NWD2: variants seen among roughly 807,000 people sequenced by gnomAD.
The protein encoded by NWD2 is NACHT and WD repeat domain containing 2.
Under a neutral mutation model 132.7 loss-of-function variants are expected in NWD2, and 37 were observed. That is an observed-to-expected ratio of 0.28 (90% CI 0.21 to 0.37). The LOEUF (loss-of-function observed/expected upper bound fraction) is 0.37. NWD2 is among the 10% of genes least tolerant of loss of function. The pLI is 1.00. For missense variants in NWD2, 1,592 were observed against 2,122.4 expected (o/e 0.75, Z 4.91); for synonymous variants, 705 against 803.0 (o/e 0.88, Z 2.06).
At chr4:37,279,156 C>G (rs569963451) in intron 1 of NWD2, among the ~76,000 whole-genome samples, 4 of 152,020 alleles carry the variant, frequency 2.6e-5, no homozygotes, top group Non-Finnish European at 4.4e-5. Context: ...TTTATTTATT[C>G]ACCTTGCTTT....
intron 4 of NWD2, among the ~76,000 whole-genome samples, chr4:37,431,024 G>C (rs985326246): frequency 6.6e-6 from 1 of 152,138 alleles, no homozygotes; most frequent in African/African-American, 2.4e-5. Flanking sequence ...ATAGGAGTTG[G>C]AGAGGATGCG....
intron 3 of NWD2, among the ~76,000 whole-genome samples, chr4:37,423,304 T>G (rs1577698654): frequency 6.6e-6 from 1 of 152,314 alleles, no homozygotes; most frequent in East Asian, 1.9e-4. Flanking sequence ...GTCATTATTA[T>G]TTTGCAATTT....
chr4:37,325,912 T>G, intron 1 of NWD2, 24 bp from the exon 2 acceptor site: 1 of 1,412,022 alleles, frequency 7.1e-7, no homozygotes, highest in African/African-American at 1.4e-5. Context: ...ACTCACTTCC[T>G]GTGTGTTTGT....
chr4:37,269,525 A>G (rs1441874622), intron 1 of NWD2, among the ~76,000 whole-genome samples: 2 of 151,870 alleles, frequency 1.3e-5, no homozygotes, highest in Admixed American at 1.3e-4. Flanking sequence ...TCTCCATCCT[A>G]TAAAAGCACC....
chr4:37,388,681 G>A (rs532947876), intron 3 of NWD2, among the ~76,000 whole-genome samples: 29 of 143,418 alleles, frequency 2.0e-4, no homozygotes, highest in South Asian at 1.1e-3. Context: ...AATATATATC[G>A]TATATATCAT....
intron 1 of NWD2, among the ~76,000 whole-genome samples, chr4:37,295,748 T>C (rs1304962495): frequency 6.6e-6 from 1 of 152,212 alleles, no homozygotes; most frequent in Non-Finnish European, 1.5e-5. Flanking sequence ...TCCCAACCTA[T>C]AATATCTTAA....
intron 3 of NWD2, among the ~76,000 whole-genome samples, chr4:37,377,133 C>G (rs1242883495): frequency 6.6e-6 from 1 of 152,104 alleles, no homozygotes; most frequent in Non-Finnish European, 1.5e-5. Flanking sequence ...AGGACAGACT[C>G]AATTATAGGC....
chr4:37,334,341 T>G lies in NWD2; in HGVS notation c.240+8317T>G, dbSNP rs542280873. On this transcript the variant is annotated intron_variant, in intron 2 of 6. Coordinates refer to ENST00000309447, the MANE Select transcript of NWD2 (RefSeq NM_001144990.2). ...CTCTTTAATGTAGTTCCAGCTTCGT[T>G]TTCAACTCTTCCCCACGTAAATAAT... Among the ~76,000 whole-genome samples the G allele has an allele frequency of 5.5e-4, 84 of 152,170 alleles. 1 individual carries two copies. The highest frequency in any genetic ancestry group is 1.0e-3 in the Admixed American group (16 of 15,298).
intron 1 of NWD2, among the ~76,000 whole-genome samples, chr4:37,315,980 A>T (rs74550917): frequency 6.6e-6 from 1 of 151,890 alleles, no homozygotes; most frequent in Non-Finnish European, 1.5e-5. Context: ...TTGTTTTATT[A>T]TTGTCATATA....
intron 3 of NWD2, among the ~76,000 whole-genome samples, chr4:37,389,010 A>G (rs1179314436): frequency 6.6e-6 from 1 of 152,050 alleles, no homozygotes; most frequent in Non-Finnish European, 1.5e-5. Flanking sequence ...TGCTAATACT[A>G]AAAGGTGGTG....
intron 3 of NWD2, among the ~76,000 whole-genome samples, chr4:37,416,875 C>T (rs891056600): frequency 6.6e-6 from 1 of 151,210 alleles, no homozygotes; most frequent in Non-Finnish European, 1.5e-5. Flanking sequence ...CATATGTTCT[C>T]ATAAGTGGGA....
intron 1 of NWD2, among the ~76,000 whole-genome samples, chr4:37,324,266 A>G (rs774636790): frequency 2.3e-4 from 35 of 152,166 alleles, no homozygotes; most frequent in Non-Finnish European, 2.8e-4. Context: ...AGAAACAATA[A>G]GTTTCTGTTT....
chr4:37,447,427 A>G lies in NWD2; in HGVS notation c.*210A>G. 3.5e-6 allele frequency: 2 copies of G among 578,576 alleles called. No individual in the cohort carries two copies. The highest frequency in any genetic ancestry group is 2.2e-5 in the South Asian group (1 of 45,136). The allele number at this position is 578,576 out of a possible 1,614,324, so 35.8% of individuals were successfully genotyped here. On this transcript the variant is annotated 3_prime_UTR_variant, in exon 7 of 7. Transcript: ENST00000309447. ...TATCCAGAATGTCAGAATTTCTAGT[A>G]GTAATATTTAAATGGTTACTTCATC...
At chr4:37,315,200 T>C (rs1718933578) in intron 1 of NWD2, among the ~76,000 whole-genome samples, 1 of 152,136 alleles carries the variant, frequency 6.6e-6, no homozygotes, top group Non-Finnish European at 1.5e-5. Context: ...GTCTAGCATA[T>C]GACCTATCAT....
intron 3 of NWD2, among the ~76,000 whole-genome samples, chr4:37,363,937 C>T (rs761950766): frequency 5.4e-5 from 8 of 149,308 alleles, no homozygotes; most frequent in African/African-American, 7.4e-5. Context: ...GCCTGGCCAA[C>T]GTGGTGAAAC....
intron 1 of NWD2, among the ~76,000 whole-genome samples, chr4:37,261,669 TC>T (rs1377984335): frequency 6.6e-6 from 1 of 152,238 alleles, no homozygotes; most frequent in Non-Finnish European, 1.5e-5. Context: ...GCCCCTACTT[TC>T]ATGGTGCTCA....
At position 37,279,724 on chromosome 4, in the gene NWD2, A is replaced by G. The variant is rs11933674; in HGVS notation, c.151+34506A>G. Among the ~76,000 whole-genome samples the G allele has an allele frequency of 8.1e-4, 123 of 152,314 alleles. 1 individual carries two copies. The highest frequency in any genetic ancestry group is 2.9e-3 in the African/African-American group (120 of 41,572). On this transcript the variant is annotated intron_variant, in intron 1 of 6. Transcript: ENST00000309447. ...TATATTATCACCTATAGCTAAGCCT[A>G]AACATTAACTCTAGAATATAATCAA...
chr4:37,409,842 G>A (rs1291173209), intron 3 of NWD2, among the ~76,000 whole-genome samples: 3 of 152,110 alleles, frequency 2.0e-5, no homozygotes, highest in Non-Finnish European at 4.4e-5. Context: ...AAAGAGTAGG[G>A]GCCAATATTC....
At position 37,447,090 on chromosome 4, in the gene NWD2, G is replaced by A; in HGVS notation, c.5102G>A (p.Ser1701Asn). 6.4e-7 allele frequency: 1 copy of A among 1,551,622 alleles called. No individual in the cohort carries two copies. The highest frequency in any genetic ancestry group is 8.7e-7 in the Non-Finnish European group (1 of 1,146,986). ...TCCACTGAGGTCTTTGCAAGAGACAGCCCCATCACAGTTAGTGACTCTACT... is the reference window on the plus strand; with the variant it reads ...TCCACTGAGGTCTTTGCAAGAGACAACCCCATCACAGTTAGTGACTCTACT... ...RESTEVFARDSPITVSDSTES... is the reference protein window; with the variant it reads ...RESTEVFARDNPITVSDSTES... The change falls in exon 7 of 7, where the codon AGC becomes AAC. Residue 1701 changes from serine to asparagine, a missense_variant. Physicochemically the swap from Ser to Asn is conservative, Grantham distance 46. Transcript: ENST00000309447.
Sources: gnomAD v4.1 joint callset for allele counts (sites outside exome capture counted in the v4.1 genomes callset) on GRCh38, gnomAD v4.1.1 for gene constraint, MANE v1.5 for transcripts, NCBI Gene and HGNC (gene_info 2026-07-23, HGNC 2026-07-21) for gene names.